Variants in RAB38 observed in about 807,000 individuals in gnomAD.
RAB38 encodes RAB38, member RAS oncogene family.
RAB38 carries 15 observed loss-of-function variants against 18.4 expected under a neutral mutation model. That is an observed-to-expected ratio of 0.82 (90% CI 0.55 to 1.26). The LOEUF (loss-of-function observed/expected upper bound fraction) is 1.26, where lower values mean the gene tolerates loss of function less well. Among genes scored for constraint, RAB38 ranks in the 50% most tolerant of loss-of-function variants. RAB38 has a pLI of 0.00. For missense variants in RAB38, 294 were observed against 267.4 expected (o/e 1.10, Z -0.69); for synonymous variants, 101 against 104.4 (o/e 0.97, Z 0.20).
chr11:88,081,390 C>A, the RAB38 span, among the ~76,000 whole-genome samples: 2 of 151,906 alleles, frequency 1.3e-5, no homozygotes, highest in South Asian at 4.1e-4. Flanking sequence ...AACACATACT[C>A]CAAACCTGAC....
At chr11:88,034,118 T>A in the RAB38 span, among the ~76,000 whole-genome samples, 3 of 152,228 alleles carry the variant, frequency 2.0e-5, no homozygotes, top group Admixed American at 2.0e-4. Context: ...ATTTTGTCAA[T>A]TCAATAATGT....
chr11:88,095,664 T>A, the RAB38 span, among the ~76,000 whole-genome samples: 1 of 151,972 alleles, frequency 6.6e-6, no homozygotes. Context: ...AAGTTTTAAC[T>A]AAACCTGATG....
At chr11:87,937,351 T>TATATATATATATA in the RAB38 span, among the ~76,000 whole-genome samples, 44 of 112,112 alleles carry the variant, frequency 3.9e-4, no homozygotes, top group South Asian at 1.9e-3. Context: ...TATATATATA[T>TATATATATATATA]CATAATTCTA....
the RAB38 span, among the ~76,000 whole-genome samples, chr11:87,930,414 T>A: frequency 6.6e-6 from 1 of 151,234 alleles, no homozygotes; most frequent in African/African-American, 2.4e-5. Flanking sequence ...ATGGGGTTGT[T>A]TGTTTTTTTC....
chr11:87,969,001 T>A, the RAB38 span, among the ~76,000 whole-genome samples: 6 of 152,160 alleles, frequency 3.9e-5, no homozygotes, highest in Non-Finnish European at 8.8e-5. Context: ...GTCATCACTA[T>A]GCAGTATATC....
chr11:88,109,169 T>A (rs1249944714), downstream of RAB38, among the ~76,000 whole-genome samples: 1 of 152,106 alleles, frequency 6.6e-6, no homozygotes, highest in Non-Finnish European at 1.5e-5. Context: ...AACAGCATGG[T>A]ACTGGTACCA....
chr11:87,946,740 A>T, the RAB38 span, among the ~76,000 whole-genome samples: 20 of 151,882 alleles, frequency 1.3e-4, no homozygotes, highest in Non-Finnish European at 2.2e-4. Context: ...CTGTGGCTGC[A>T]TAGTATTCCA....
chr11:88,021,615 G>C, the RAB38 span, among the ~76,000 whole-genome samples: 1 of 147,644 alleles, frequency 6.8e-6, no homozygotes, highest in African/African-American at 2.5e-5. Context: ...TTTTGAGACA[G>C]AGTTTTGCTC....
the RAB38 span, among the ~76,000 whole-genome samples, chr11:87,949,339 A>G: frequency 2.6e-5 from 4 of 152,192 alleles, no homozygotes; most frequent in African/African-American, 9.6e-5. Context: ...TCAAAAAACC[A>G]GATCCTGGAT....
chr11:87,857,374 T>C, the RAB38 span, among the ~76,000 whole-genome samples: 2 of 152,218 alleles, frequency 1.3e-5, no homozygotes, highest in African/African-American at 2.4e-5. Flanking sequence ...TTTGGATATA[T>C]ACCCAGTAAT....
chr11:87,965,099 G>A, the RAB38 span, among the ~76,000 whole-genome samples: 7 of 152,092 alleles, frequency 4.6e-5, no homozygotes, highest in African/African-American at 1.7e-4. Context: ...TGCTAGCATG[G>A]GCCTCAGGTT....
At chr11:87,974,874 G>A in the RAB38 span, among the ~76,000 whole-genome samples, 2 of 151,788 alleles carry the variant, frequency 1.3e-5, no homozygotes, top group Non-Finnish European at 2.9e-5. Flanking sequence ...TTAGAGCAAC[G>A]AATTCATTTC....
intron 1 of RAB38, among the ~76,000 whole-genome samples, chr11:88,157,659 A>T (rs1441229040): frequency 6.6e-6 from 1 of 152,196 alleles, no homozygotes; most frequent in Non-Finnish European, 1.5e-5. Flanking sequence ...CCACAGTGGA[A>T]TAAAAATAGA....
At chr11:88,148,341 C>T (rs912224351) in intron 2 of RAB38, among the ~76,000 whole-genome samples, 1 of 152,190 alleles carries the variant, frequency 6.6e-6, no homozygotes, top group African/African-American at 2.4e-5. Context: ...CCATCAACTC[C>T]AATCCAAGTG....
intron 2 of RAB38, among the ~76,000 whole-genome samples, chr11:88,119,820 C>G (rs569408371): frequency 3.3e-5 from 5 of 151,992 alleles, no homozygotes; most frequent in Non-Finnish European, 7.4e-5. Context: ...GCACTAAATT[C>G]CCCAGCCCTG....
chr11:88,043,195 G>C, the RAB38 span, among the ~76,000 whole-genome samples: 1 of 152,168 alleles, frequency 6.6e-6, no homozygotes, highest in Non-Finnish European at 1.5e-5. Flanking sequence ...ACTCTTCCAT[G>C]TGATCATGCC....
chr11:87,951,286 C>A, the RAB38 span, among the ~76,000 whole-genome samples: 2 of 152,120 alleles, frequency 1.3e-5, no homozygotes, highest in African/African-American at 2.4e-5. Flanking sequence ...AGTTGTTATC[C>A]ATTCTTCTAA....
chr11:87,878,576 T>C, the RAB38 span, among the ~76,000 whole-genome samples: 29 of 151,652 alleles, frequency 1.9e-4, no homozygotes, highest in Non-Finnish European at 4.0e-4. Context: ...TGTCGGAGGA[T>C]GTTTTTATCA....
intron 1 of RAB38, 86 bp downstream of exon 1, chr11:88,175,097 T>C: frequency 2.1e-6 from 3 of 1,398,134 alleles, no homozygotes; most frequent in South Asian, 1.4e-5. Flanking sequence ...GATTTTAATC[T>C]CACGCTTGGC....
Sources: gnomAD v4.1 joint callset for allele counts (sites outside exome capture counted in the v4.1 genomes callset) on GRCh38, gnomAD v4.1.1 for gene constraint, MANE v1.5 for transcripts, NCBI Gene and HGNC (gene_info 2026-07-23, HGNC 2026-07-21) for gene names.